Variants in EYS observed in about 807,000 individuals in gnomAD.
EYS encodes protein eyes shut homolog.
A neutral mutation model predicts 282.1 loss-of-function variants in EYS; 250 were observed. The observed-to-expected ratio is 0.89, with a 90% CI of 0.80 to 0.98. The LOEUF (loss-of-function observed/expected upper bound fraction) is 0.98. Among genes scored for constraint, EYS ranks in the 50% least tolerant of loss-of-function variants. The probability of loss-of-function intolerance (pLI) is 0.00; values close to 1 mark genes in which losing one functional copy is unlikely to be tolerated. For synonymous variants in EYS, 1,355 were observed against 1,282.9 expected, an observed-to-expected ratio of 1.06 and a Z score of -1.20; for missense variants, 4,016 against 3,709.0, an observed-to-expected ratio of 1.08 and a Z score of -2.15.
chr6:65,700,219 A>T (rs1371329410), intron 1 of EYS, among the ~76,000 whole-genome samples: 1 of 151,968 alleles, frequency 6.6e-6, no homozygotes, highest in Non-Finnish European at 1.5e-5. Flanking sequence ...ATAGCTGCTC[A>T]CAAGACTGGA....
intron 26 of EYS, among the ~76,000 whole-genome samples, chr6:64,552,080 T>A (rs983724618): frequency 6.6e-6 from 1 of 152,158 alleles, no homozygotes; most frequent in Non-Finnish European, 1.5e-5. Context: ...ATCAGCCAAG[T>A]GCATTCTAAA....
chr6:64,439,269 C>G lies in EYS; in HGVS notation c.5728G>C (p.Glu1910Gln). Residue 1910 changes from glutamate to glutamine, a missense_variant, in exon 27 of 43, where the codon GAA becomes CAA. Glu to Gln is a conservative substitution (Grantham distance 29, BLOSUM62 2). Coordinates refer to ENST00000503581, the MANE Select transcript of EYS (RefSeq NM_001142800.2). ...ALNPQNNISLEFQTFSSYGLL... is the reference protein window; with the variant it reads ...ALNPQNNISLQFQTFSSYGLL... ...CCATAGGAGCTGAAGGTCTGAAATT[C>G]TAGGGAGATGTTATTTTGTGGATTT... 2.6e-6 allele frequency: 4 copies of G among 1,517,474 alleles called. No individual in the cohort carries two copies. Among genetic ancestry groups the G allele is most frequent in the Non-Finnish European group, 3.5e-6 (4 of 1,132,580 alleles). 94.0% of individuals were successfully genotyped at this position (1,517,474 alleles called of 1,614,324 possible).
chr6:63,820,546 G>A (rs1771295116), intron 36 of EYS, among the ~76,000 whole-genome samples: 1 of 152,104 alleles, frequency 6.6e-6, no homozygotes, highest in Non-Finnish European at 1.5e-5. Context: ...CAAATTCTTA[G>A]ATTTGGTCCT....
intron 5 of EYS, among the ~76,000 whole-genome samples, chr6:65,460,000 AT>A (rs1764767067): frequency 7.7e-6 from 1 of 129,496 alleles, no homozygotes; most frequent in Non-Finnish European, 1.6e-5. Flanking sequence ...ATATATATAT[AT>A]ATATATAATT....
At chr6:64,737,940 C>T (rs1023997033) in intron 22 of EYS, among the ~76,000 whole-genome samples, 7 of 152,158 alleles carry the variant, frequency 4.6e-5, no homozygotes, top group Admixed American at 1.3e-4. Flanking sequence ...ATTTGTTTTA[C>T]TCCTCTGTAT....
intron 12 of EYS, among the ~76,000 whole-genome samples, chr6:65,217,022 A>C (rs1005203422): frequency 6.6e-6 from 1 of 152,106 alleles, no homozygotes; most frequent in Non-Finnish European, 1.5e-5. Context: ...TGTATTGAAC[A>C]AATGAGCCTC....
intron 22 of EYS, among the ~76,000 whole-genome samples, chr6:64,751,919 A>T (rs1772771074): frequency 6.6e-6 from 1 of 152,144 alleles, no homozygotes; most frequent in South Asian, 2.1e-4. Context: ...CATTTAAAGC[A>T]CCCAGAACCA....
chr6:63,735,176 G>C (rs2149637469), intron 41 of EYS, among the ~76,000 whole-genome samples: 1 of 152,130 alleles, frequency 6.6e-6, no homozygotes, highest in South Asian at 2.1e-4. Flanking sequence ...CTTTTGTTTT[G>C]TTTTGGTTTC....
intron 41 of EYS, among the ~76,000 whole-genome samples, chr6:63,734,661 A>G (rs1479151626): frequency 1.3e-5 from 2 of 152,086 alleles, no homozygotes; most frequent in Non-Finnish European, 2.9e-5. Context: ...AAGGGTAACT[A>G]TGGGGTTTTT....
chr6:64,401,491 A>G (rs1215849177), intron 28 of EYS, among the ~76,000 whole-genome samples: 1 of 152,094 alleles, frequency 6.6e-6, no homozygotes. Context: ...AATAAAAATT[A>G]TAAACATCAA....
chr6:65,526,641 T>G (rs1229839187), intron 2 of EYS, among the ~76,000 whole-genome samples: 1 of 151,838 alleles, frequency 6.6e-6, no homozygotes, highest in Non-Finnish European at 1.5e-5. Flanking sequence ...CCGTCTCTAC[T>G]AAAAAATACA....
rs1766216579 is a variant in EYS, at chr6:65,495,324, C to T, written c.87G>A (p.Val29=). ...INGKTCRRQL[V]EEWHPQPSSY... ...ATGAGGGTTGTGGATGCCATTCTTC[C>T]ACCAATTGCCGTCTACATGTTTTTC... The change falls in exon 4 of 43, where the codon GTG becomes GTA. Residue 29 remains valine (V), a synonymous_variant. Coordinates refer to ENST00000503581, the MANE Select transcript of EYS (RefSeq NM_001142800.2). 6.2e-7 allele frequency: 1 copy of T among 1,613,986 alleles called. No individual in the cohort carries two copies.
intron 1 of EYS, among the ~76,000 whole-genome samples, chr6:65,682,413 G>A (rs1340167581): frequency 1.3e-5 from 2 of 151,758 alleles, no homozygotes; most frequent in Non-Finnish European, 2.9e-5. Flanking sequence ...AAGGCTTTTA[G>A]CTATCCTAAC....
At chr6:64,374,804 A>G (rs1772512336) in intron 29 of EYS, among the ~76,000 whole-genome samples, 1 of 152,218 alleles carries the variant, frequency 6.6e-6, no homozygotes, top group African/African-American at 2.4e-5. Flanking sequence ...CCAGCTAAGC[A>G]TACAGAAAGG....
At chr6:64,222,677 A>G (rs1160635053) in intron 31 of EYS, among the ~76,000 whole-genome samples, 1 of 152,062 alleles carries the variant, frequency 6.6e-6, no homozygotes, top group African/African-American at 2.4e-5. Flanking sequence ...ACTAAACCCT[A>G]TTAATTTAGT....
At chr6:65,052,827 GA>G (rs1773312597) in intron 13 of EYS, among the ~76,000 whole-genome samples, 1 of 151,582 alleles carries the variant, frequency 6.6e-6, no homozygotes. Context: ...ATTTGAAAGG[GA>G]GCCAGATTAA....
At chr6:65,463,199 TG>T (rs1351382656) in intron 5 of EYS, among the ~76,000 whole-genome samples, 1 of 152,100 alleles carries the variant, frequency 6.6e-6, no homozygotes, top group African/African-American at 2.4e-5. Context: ...CTTGCTTATC[TG>T]ACATAATTCT....
At chr6:63,971,010 A>G (rs893970337) in intron 35 of EYS, among the ~76,000 whole-genome samples, 9 of 152,250 alleles carry the variant, frequency 5.9e-5, no homozygotes, top group African/African-American at 2.2e-4. Context: ...TGGGTTGGAT[A>G]TAAAAATGGT....
At chr6:65,034,750 T>C (rs1481843325) in intron 13 of EYS, among the ~76,000 whole-genome samples, 2 of 152,054 alleles carry the variant, frequency 1.3e-5, no homozygotes, top group Non-Finnish European at 2.9e-5. Context: ...TTACCCAGTC[T>C]CAGATATTTA....
Sources: allele counts gnomAD v4.1 joint callset (sites outside exome capture counted in the v4.1 genomes callset), GRCh38; gene constraint gnomAD v4.1.1; transcripts MANE v1.5; gene names NCBI Gene and HGNC (gene_info 2026-07-23, HGNC 2026-07-21).